Variants in AGMO observed in about 807,000 individuals in gnomAD.
The protein encoded by AGMO is alkylglycerol monooxygenase.
AGMO carries 75 observed loss-of-function variants against 60.2 expected under a neutral mutation model. That is an observed-to-expected ratio of 1.25 (90% CI 1.03 to 1.51). The LOEUF is 1.51. Ranked by LOEUF, AGMO falls within the 40% of genes most tolerant of loss-of-function variation. The pLI, the probability that AGMO is intolerant of heterozygous loss-of-function variation, is 0.00. For synonymous variants in AGMO, 261 were observed against 177.1 expected (o/e 1.47, Z -3.76); for missense variants, 763 against 525.5 (o/e 1.45, Z -4.42).
At chr7:15,386,706 T>TA (rs1283718064) in intron 9 of AGMO, among the ~76,000 whole-genome samples, 1 of 152,186 alleles carries the variant, frequency 6.6e-6, no homozygotes, top group East Asian at 1.9e-4. Flanking sequence ...TCCTTGAAAT[T>TA]AAGAGTAGTT....
chr7:15,390,001 C>A (rs13438424), intron 8 of AGMO, among the ~76,000 whole-genome samples: 2 of 152,004 alleles, frequency 1.3e-5, no homozygotes, highest in Non-Finnish European at 2.9e-5. Context: ...TGTCATTGAC[C>A]CACCTCTTCA....
intron 10 of AGMO, among the ~76,000 whole-genome samples, chr7:15,377,601 T>G (rs911342746): frequency 1.3e-5 from 2 of 152,002 alleles, no homozygotes; most frequent in East Asian, 1.9e-4. Context: ...TATAATTTAT[T>G]TAGAGATTTT....
rs4469360 is a variant in AGMO, at chr7:15,418,408, C to T, written c.609+150G>A. ...TTATAAACTTTGCAATATATATTCA[C>T]TAAAAACGAATAAAAATGAACAGAT... On this transcript the variant is annotated intron_variant, in intron 5 of 12. Coordinates refer to ENST00000342526, the MANE Select transcript of AGMO (RefSeq NM_001004320.2). 6 of 582,952 alleles carry T rather than the reference C, an allele frequency of 1.0e-5. No homozygotes were observed. The South Asian group carries it at 1.3e-4, about 13-fold the overall frequency. 36.1% of individuals were successfully genotyped at this position (582,952 alleles called of 1,614,324 possible). A position where few individuals can be genotyped will look rare whatever the true frequency, so the allele number is the denominator to read the frequency against.
intron 10 of AGMO, among the ~76,000 whole-genome samples, chr7:15,383,560 C>A (rs1165068212): frequency 1.3e-5 from 2 of 152,068 alleles, no homozygotes; most frequent in Admixed American, 6.5e-5. Context: ...CATCTTCATA[C>A]TTAGATTATT....
chr7:15,322,034 G>C (rs1173079963), intron 12 of AGMO, among the ~76,000 whole-genome samples: 2 of 151,876 alleles, frequency 1.3e-5, no homozygotes, highest in Admixed American at 1.3e-4. Flanking sequence ...AGCTAAGAAT[G>C]GTGGCATGCA....
chr7:15,450,336 C>G (rs988436013), intron 3 of AGMO, among the ~76,000 whole-genome samples: 3 of 150,994 alleles, frequency 2.0e-5, no homozygotes, highest in African/African-American at 7.3e-5. Flanking sequence ...AGGAGAATGG[C>G]ATGAACCCAG....
chr7:15,514,990 T>G (rs1783771804), intron 3 of AGMO, among the ~76,000 whole-genome samples: 2 of 152,180 alleles, frequency 1.3e-5, no homozygotes, highest in Non-Finnish European at 2.9e-5. Flanking sequence ...TGCAACAGTT[T>G]ATCAAGTGTT....
chr7:15,336,292 TTTTG>T (rs140601750), intron 12 of AGMO, among the ~76,000 whole-genome samples: 12,301 of 152,096 alleles, frequency 0.081, 622 homozygotes, highest in Non-Finnish European at 0.1. Context: ...CACCCAGTTC[TTTTG>T]TTTATTTAGA....
intron 3 of AGMO, among the ~76,000 whole-genome samples, chr7:15,475,344 T>C (rs1396810256): frequency 1.3e-5 from 2 of 152,084 alleles, no homozygotes; most frequent in African/African-American, 2.4e-5. Context: ...ATATACACCA[T>C]GTAATACTAT....
chr7:15,452,579 A>C (rs924384217), intron 3 of AGMO, among the ~76,000 whole-genome samples: 1 of 152,208 alleles, frequency 6.6e-6, no homozygotes, highest in African/African-American at 2.4e-5. Context: ...AAAGATGGAC[A>C]ATATTAAATG....
intron 12 of AGMO, among the ~76,000 whole-genome samples, chr7:15,292,405 G>A (rs765035076): frequency 3.9e-5 from 6 of 152,258 alleles, no homozygotes; most frequent in Non-Finnish European, 5.9e-5. Flanking sequence ...TGGCTGACGC[G>A]TTTGGGTGAT....
At chr7:15,274,265 T>C (rs1360902820) in intron 12 of AGMO, among the ~76,000 whole-genome samples, 6 of 152,204 alleles carry the variant, frequency 3.9e-5, no homozygotes, top group Non-Finnish European at 7.3e-5. Context: ...GGATTTGTCA[T>C]AAATAGCTCT....
At chr7:15,453,894 T>A (rs1484920650) in intron 3 of AGMO, among the ~76,000 whole-genome samples, 1 of 150,404 alleles carries the variant, frequency 6.6e-6, no homozygotes, top group Non-Finnish European at 1.5e-5. Context: ...AAATATATAT[T>A]TTTTATATTT....
At position 15,327,726 on chromosome 7, in the gene AGMO, A is replaced by G. The variant is rs1036772970; in HGVS notation, c.1263+37788T>C. On this transcript the variant is annotated intron_variant, in intron 12 of 12. Transcript: ENST00000342526. ...AGAGAGGTTTTCATGAAAAAATGAT[A>G]AACTGATTTCTTTCTTTTTTTTTTT... Among the ~76,000 whole-genome samples the G allele has an allele frequency of 6.1e-5, 9 of 146,344 alleles. No homozygotes were observed. In the East Asian group the frequency reaches 1.7e-3, roughly 28 times the overall value.
intron 4 of AGMO, among the ~76,000 whole-genome samples, chr7:15,424,582 T>C (rs1781008215): frequency 6.6e-6 from 1 of 152,226 alleles, no homozygotes; most frequent in Non-Finnish European, 1.5e-5. Flanking sequence ...TTCTGTAAGC[T>C]ACAGAATAAT....
At chr7:15,427,947 T>C (rs576957854) in intron 4 of AGMO, among the ~76,000 whole-genome samples, 2 of 80,418 alleles carry the variant, frequency 2.5e-5, no homozygotes, top group East Asian at 5.9e-4. Context: ...TCAAAAGTTG[T>C]GCTGTTCTAA....
intron 3 of AGMO, among the ~76,000 whole-genome samples, chr7:15,472,341 T>A (rs1782471461): frequency 6.6e-6 from 1 of 151,958 alleles, no homozygotes; most frequent in African/African-American, 2.4e-5. Flanking sequence ...GGAAATGTAT[T>A]TCTTAAAAGG....
chr7:15,197,424 A>C (rs1781147888), downstream of AGMO, among the ~76,000 whole-genome samples: 1 of 152,244 alleles, frequency 6.6e-6, no homozygotes, highest in Non-Finnish European at 1.5e-5. Context: ...GTTAATGTTA[A>C]ATACAAGGGT....
intron 4 of AGMO, among the ~76,000 whole-genome samples, chr7:15,425,091 C>G (rs1377083742): frequency 6.6e-6 from 1 of 152,112 alleles, no homozygotes; most frequent in East Asian, 1.9e-4. Flanking sequence ...TTTCCACACT[C>G]ATAAATTAAA....
Sources: gnomAD v4.1 joint callset for allele counts (sites outside exome capture counted in the v4.1 genomes callset) on GRCh38, gnomAD v4.1.1 for gene constraint, MANE v1.5 for transcripts, NCBI Gene and HGNC (gene_info 2026-07-23, HGNC 2026-07-21) for gene names.